NBAS: variants seen among roughly 807,000 people sequenced by gnomAD.
NBAS encodes NBAS subunit of NRZ tethering complex.
A neutral mutation model predicts 302.5 loss-of-function variants in NBAS; 219 were observed. The ratio of observed to expected loss-of-function variants is 0.72; its 90% CI spans 0.65 to 0.81. The LOEUF (loss-of-function observed/expected upper bound fraction) is 0.81, where lower values mean the gene tolerates loss of function less well. Ranked by LOEUF, NBAS falls within the 30% of genes least tolerant of loss-of-function variation. The pLI is 0.00. For missense variants in NBAS, 2,932 were observed against 2,841.6 expected, an observed-to-expected ratio of 1.03 and a Z score of -0.72; for synonymous variants, 1,118 against 1,021.6, an observed-to-expected ratio of 1.09 and a Z score of -1.80.
chr2:15,043,997 C>T, the NBAS span, among the ~76,000 whole-genome samples: 1 of 152,014 alleles, frequency 6.6e-6, no homozygotes, highest in Admixed American at 6.6e-5. Flanking sequence ...ACAGAGCAGA[C>T]GAATAATGAA....
the NBAS span, among the ~76,000 whole-genome samples, chr2:15,046,585 G>A: frequency 6.6e-6 from 1 of 152,122 alleles, no homozygotes; most frequent in African/African-American, 2.4e-5. Context: ...TGAGGAAGTG[G>A]GGAAGTCACT....
chr2:14,936,190 A>C, the NBAS span, among the ~76,000 whole-genome samples: 1 of 152,212 alleles, frequency 6.6e-6, no homozygotes, highest in African/African-American at 2.4e-5. Flanking sequence ...ACTGCAGGAA[A>C]AACCATAGCA....
the NBAS span, among the ~76,000 whole-genome samples, chr2:14,886,097 A>C: frequency 6.6e-6 from 1 of 152,156 alleles, no homozygotes; most frequent in Non-Finnish European, 1.5e-5. Context: ...AAGTCCTCCC[A>C]GTTTTGCTAA....
chr2:15,479,943 T>C (rs886127047), intron 12 of NBAS, among the ~76,000 whole-genome samples: 2 of 152,248 alleles, frequency 1.3e-5, no homozygotes, highest in Non-Finnish European at 2.9e-5. Flanking sequence ...AGTCACTGAA[T>C]TCTAATTACA....
chr2:15,440,992 A>G (rs1357645294), intron 21 of NBAS, among the ~76,000 whole-genome samples: 1 of 152,196 alleles, frequency 6.6e-6, no homozygotes, highest in Non-Finnish European at 1.5e-5. Context: ...GCCTCCAAGA[A>G]ATATGGGACT....
the NBAS span, among the ~76,000 whole-genome samples, chr2:14,932,023 G>T: frequency 6.6e-6 from 1 of 152,142 alleles, no homozygotes; most frequent in Non-Finnish European, 1.5e-5. Context: ...AGTGTTTTAG[G>T]ATTATACGTA....
At chr2:14,961,623 T>A in the NBAS span, among the ~76,000 whole-genome samples, 1 of 152,196 alleles carries the variant, frequency 6.6e-6, no homozygotes, top group South Asian at 2.1e-4. Context: ...TCTTCCTTTA[T>A]AGCAACACAA....
the NBAS span, among the ~76,000 whole-genome samples, chr2:15,123,101 T>G: frequency 2.0e-5 from 3 of 152,168 alleles, no homozygotes; most frequent in Non-Finnish European, 4.4e-5. Flanking sequence ...CACCCCGAGG[T>G]AGCCTGGGAG....
chr2:15,506,764 TTATG>T (rs1661873641), intron 10 of NBAS, among the ~76,000 whole-genome samples: 1 of 152,004 alleles, frequency 6.6e-6, no homozygotes, highest in African/African-American at 2.4e-5. Context: ...TGTACAAATA[TTATG>T]TATGTGACAA....
At chr2:14,872,441 C>G in the NBAS span, among the ~76,000 whole-genome samples, 21 of 152,096 alleles carry the variant, frequency 1.4e-4, no homozygotes, top group Non-Finnish European at 2.9e-5. Context: ...CAACCTCTGC[C>G]TCCTGGGTTC....
chr2:15,170,587 G>A (rs558554633), intron 51 of NBAS, among the ~76,000 whole-genome samples: 4 of 152,314 alleles, frequency 2.6e-5, no homozygotes, highest in East Asian at 3.9e-4. Context: ...TGCTGGAAAC[G>A]CAGGGTGGGT....
At chr2:15,016,876 T>C in the NBAS span, among the ~76,000 whole-genome samples, 1 of 152,142 alleles carries the variant, frequency 6.6e-6, no homozygotes, top group African/African-American at 2.4e-5. Flanking sequence ...AGTAGGTGTA[T>C]ATACTTATGG....
At chr2:15,110,807 T>C in the NBAS span, among the ~76,000 whole-genome samples, 5 of 152,168 alleles carry the variant, frequency 3.3e-5, no homozygotes, top group African/African-American at 7.2e-5. Context: ...AAAGCCCCAT[T>C]CCACTTTTAA....
intron 44 of NBAS, among the ~76,000 whole-genome samples, chr2:15,260,805 C>A (rs544000320): frequency 8.5e-6 from 1 of 117,834 alleles, no homozygotes; most frequent in South Asian, 2.8e-4. Flanking sequence ...TATCAAAAGT[C>A]AATTATTATA....
the NBAS span, among the ~76,000 whole-genome samples, chr2:15,022,526 T>G: frequency 6.6e-6 from 1 of 152,162 alleles, no homozygotes; most frequent in East Asian, 1.9e-4. Context: ...ACATACCCCC[T>G]AAAGAGAACC....
the NBAS span, among the ~76,000 whole-genome samples, chr2:14,851,450 C>T: frequency 6.6e-6 from 1 of 150,712 alleles, no homozygotes; most frequent in Admixed American, 6.6e-5. Context: ...AGTTTACCAA[C>T]CAAAAAGAGT....
the NBAS span, among the ~76,000 whole-genome samples, chr2:15,060,264 G>C: frequency 6.6e-6 from 1 of 152,114 alleles, no homozygotes; most frequent in African/African-American, 2.4e-5. Context: ...CCATGTCCGG[G>C]GAGCACATTC....
At chr2:15,544,158 A>T (rs1572996441) in intron 6 of NBAS, among the ~76,000 whole-genome samples, 1 of 152,170 alleles carries the variant, frequency 6.6e-6, no homozygotes, top group South Asian at 2.1e-4. Context: ...ATATATATAC[A>T]TTCTTTACTT....
chr2:15,356,029 T>G (rs955738770), intron 33 of NBAS, among the ~76,000 whole-genome samples: 1 of 152,210 alleles, frequency 6.6e-6, no homozygotes, highest in Non-Finnish European at 1.5e-5. Context: ...TTGAAATATT[T>G]TGCATAAAAT....
Sources: allele counts gnomAD v4.1 joint callset (sites outside exome capture counted in the v4.1 genomes callset), GRCh38; gene constraint gnomAD v4.1.1; transcripts MANE v1.5; gene names NCBI Gene and HGNC (gene_info 2026-07-23, HGNC 2026-07-21).